Variants in CCDC66 observed in about 807,000 individuals in gnomAD.
CCDC66 encodes the protein coiled-coil domain-containing protein 66.
CCDC66 carries 133 observed loss-of-function variants against 128.3 expected under a neutral mutation model. The observed-to-expected ratio is 1.04, with a 90% confidence interval of 0.90 to 1.20. The LOEUF is 1.20. Among genes scored for constraint, CCDC66 ranks in the 50% most tolerant of loss-of-function variants. The pLI is 0.00. For missense variants in CCDC66, 1,126 were observed against 1,075.5 expected (o/e 1.05, Z -0.66); for synonymous variants, 387 against 357.0 (o/e 1.08, Z -0.95).
Position 56,558,849 on chromosome 3 carries a change from T to C in CCDC66, c.15T>C (p.Asp5=), listed in dbSNP as rs1249086048. 1 of 1,547,008 alleles carries C rather than the reference T, an allele frequency of 6.5e-7. No individual in the cohort carries two copies. Among genetic ancestry groups the C allele is most frequent in the East Asian group, 2.5e-5 (1 of 40,732 alleles). Residue 5 remains aspartate (D), a synonymous_variant, in exon 2 of 18, where the codon GAT becomes GAC. Transcript: ENST00000394672. MNLG[D]GLKLETELLD... The stretch of plus-strand genomic sequence containing the variant: ...CAACTTTCTTTTTTTATTACAGAGA[T>C]GGTTTAAAGCTTGAAACTGAATTAC...
At chr3:56,563,211 A>G (rs1380394461) in intron 3 of CCDC66, among the ~76,000 whole-genome samples, 1 of 151,742 alleles carries the variant, frequency 6.6e-6, no homozygotes, top group East Asian at 2.0e-4. Context: ...AAATACAAAA[A>G]CTAGCCAGGC....
chr3:56,601,285 G>A (rs282542), intron 10 of CCDC66, among the ~76,000 whole-genome samples: 127,053 of 151,962 alleles, frequency 0.84, 53,702 homozygotes, highest in Non-Finnish European at 0.91. Flanking sequence ...ATGGTTGTGG[G>A]TGTGTGGTGT....
chr3:56,613,095 A>G (rs1054624442), intron 10 of CCDC66, among the ~76,000 whole-genome samples: 9 of 152,188 alleles, frequency 5.9e-5, no homozygotes, highest in African/African-American at 2.2e-4. Context: ...AGCAAGATGC[A>G]GGACCACTAG....
chr3:56,615,059 T>C, intron 11 of CCDC66, 69 bp from the exon 12 acceptor site: 2 of 1,516,690 alleles, frequency 1.3e-6, no homozygotes, highest in Admixed American at 3.6e-5. Context: ...AGAAAATGTT[T>C]ACTGAGAGGA....
chr3:56,592,737 C>T (rs1235151214), intron 7 of CCDC66, among the ~76,000 whole-genome samples: 1 of 151,836 alleles, frequency 6.6e-6, no homozygotes, highest in Non-Finnish European at 1.5e-5. Flanking sequence ...CCTTCCCTTA[C>T]ACTTAGATAT....
intron 7 of CCDC66, among the ~76,000 whole-genome samples, chr3:56,585,827 T>C (rs977746037): frequency 6.6e-6 from 1 of 151,896 alleles, no homozygotes; most frequent in Non-Finnish European, 1.5e-5. Flanking sequence ...ATATTTCTTT[T>C]AATACAAAAG....
At position 56,619,254 on chromosome 3, in the gene CCDC66, A is replaced by ATT; in HGVS notation, c.2379-8_2379-7dup. 4.2e-6 allele frequency: 6 copies of ATT among 1,435,190 alleles called. No homozygotes were observed. Among genetic ancestry groups the ATT allele is most frequent in the Non-Finnish European group, 4.7e-6 (5 of 1,063,042 alleles). 88.9% of individuals were successfully genotyped at this position (1,435,190 alleles called of 1,614,324 possible). A position where few individuals can be genotyped will look rare whatever the true frequency, so the allele number is the denominator to read the frequency against. On this transcript the variant is annotated splice_polypyrimidine_tract_variant and intron_variant, in intron 15 of 17. Transcript: ENST00000394672. ...TAATCTAAATACACAATTTTTTACT[A>ATT]TTTTTTTTTTAAATAGGTCTCCATC...
At chr3:56,606,313 C>G (rs952041063) in intron 10 of CCDC66, among the ~76,000 whole-genome samples, 1 of 151,994 alleles carries the variant, frequency 6.6e-6, no homozygotes, top group Non-Finnish European at 1.5e-5. Flanking sequence ...TTCCAGGCAC[C>G]ACTGGGGTAT....
chr3:56,561,428 T>C (rs1249299094), intron 3 of CCDC66: 5 of 348,278 alleles, frequency 1.4e-5, no homozygotes, highest in Non-Finnish European at 2.2e-5. Context: ...TACTAGACTT[T>C]TAATCATAAA....
intron 10 of CCDC66, among the ~76,000 whole-genome samples, chr3:56,599,517 A>G (rs1159336182): frequency 3.3e-5 from 5 of 151,944 alleles, no homozygotes; most frequent in Non-Finnish European, 7.4e-5. Context: ...CTTTTTTGAT[A>G]TAGGCACTTA....
intron 15 of CCDC66, 67 bp from the exon 16 acceptor site, chr3:56,619,200 AAAGT>A: frequency 1.6e-6 from 2 of 1,241,882 alleles, no homozygotes; most frequent in South Asian, 1.6e-5. Flanking sequence ...TCTCATAAAT[AAAGT>A]GAAATGTGAT....
At chr3:56,576,276 A>T (rs1008530217) in intron 7 of CCDC66, among the ~76,000 whole-genome samples, 1 of 149,436 alleles carries the variant, frequency 6.7e-6, no homozygotes. Flanking sequence ...TTAATTTTTT[A>T]AATTTTTTTT....
chr3:56,617,092 C>A lies in CCDC66; in HGVS notation c.1844-20C>A, dbSNP rs750768316. The A allele has an allele frequency of 5.4e-6, 8 of 1,484,054 alleles. No individual in the cohort carries two copies. Among genetic ancestry groups the A allele is most frequent in the East Asian group, 4.8e-5 (2 of 41,806 alleles). The allele number at this position is 1,484,054 out of a possible 1,614,324, so 91.9% of individuals were successfully genotyped here. On this transcript the variant is annotated intron_variant, in intron 13 of 17. Coordinates refer to ENST00000394672, the MANE Select transcript of CCDC66 (RefSeq NM_001141947.3). ...AATTTTGTTTACAATTTTTAAAAAT[C>A]ATTTGCAACTTTTTTTTAGATGACT...
rs148421501 is a variant in CCDC66 at position 56,592,871 on chromosome 3, G to A, written c.937-99G>A. 8.7e-5 allele frequency: 109 copies of A among 1,251,770 alleles called. No homozygotes were observed. The African/African-American group carries it at 1.6e-3, about 18-fold the overall frequency. The allele number at this position is 1,251,770 out of a possible 1,614,324, so 77.5% of individuals were successfully genotyped here. ...GCTCCTCTTACAGATAAATGCCTCAGTGGATTAAATCTGTATGTTACTTTG... is the reference window on the plus strand; with the variant it reads ...GCTCCTCTTACAGATAAATGCCTCAATGGATTAAATCTGTATGTTACTTTG... On this transcript the variant is annotated intron_variant, in intron 7 of 17. Coordinates refer to ENST00000394672, the MANE Select transcript of CCDC66 (RefSeq NM_001141947.3).
In CCDC66 at chr3:56,621,608, C is replaced by A; in HGVS notation, c.2837C>A (p.Ser946Tyr). The A allele has an allele frequency of 6.3e-7, 1 of 1,595,276 alleles. No homozygotes were observed. The highest frequency in any genetic ancestry group is 1.1e-5 in the South Asian group (1 of 87,620). Residue 946 changes from serine (S) to tyrosine (Y), a missense_variant, in exon 18 of 18, where the codon TCT (serine) becomes TAT (tyrosine). Physicochemically the swap from Ser to Tyr is moderately radical, Grantham distance 144 (BLOSUM62 -2). Coordinates refer to ENST00000394672, the MANE Select transcript of CCDC66 (RefSeq NM_001141947.3). ...LAENQEESFG[S>Y]SF is the part of the protein sequence containing the mutation. The stretch of plus-strand genomic sequence containing the variant: ...GAAAATCAAGAAGAGAGTTTTGGTT[C>A]TTCATTTTAAATGTAGAAAATCAAA...
At chr3:56,575,602 G>C (rs917867830) in intron 7 of CCDC66, among the ~76,000 whole-genome samples, 4 of 151,736 alleles carry the variant, frequency 2.6e-5, no homozygotes, top group Admixed American at 6.6e-5. Context: ...GATGAAGTCT[G>C]TTTTATCTCT....
At chr3:56,578,838 C>A (rs1219791998) in intron 7 of CCDC66, among the ~76,000 whole-genome samples, 3 of 151,734 alleles carry the variant, frequency 2.0e-5, no homozygotes, top group African/African-American at 7.3e-5. Flanking sequence ...ATTTCTGCAT[C>A]GATGTTCATC....
At chr3:56,572,714 T>C (rs989508484) in intron 7 of CCDC66, 2 of 160,454 alleles carry the variant, frequency 1.2e-5, no homozygotes, top group Admixed American at 6.3e-5. Flanking sequence ...GTAAATTTCT[T>C]ATAGAAACCC....
At position 56,566,107 on chromosome 3, in the gene CCDC66, C is replaced by CTTTTGTTTTGTTTTGT. The variant is rs1553662674; in HGVS notation, c.545-484_545-483insTGTTTTGTTTTGTTTT. ...CATTTAACCTCTGGGCTTCAGTTTCCTTTGTTTTGTTTTGTTTTGTTTTGT... is the reference window on the plus strand; with the variant it reads ...CATTTAACCTCTGGGCTTCAGTTTCCTTTTGTTTTGTTTTGTTTTGTTTTGTTTTGTTTTGTTTTGT... On this transcript the variant is annotated intron_variant, in intron 4 of 17. Coordinates refer to ENST00000394672, the MANE Select transcript of CCDC66 (RefSeq NM_001141947.3). Among the ~76,000 whole-genome samples, 674 of 148,942 alleles carry CTTTTGTTTTGTTTTGT rather than the reference C, an allele frequency of 4.5e-3. 3 individuals are homozygous for CTTTTGTTTTGTTTTGT. Among genetic ancestry groups the CTTTTGTTTTGTTTTGT allele is most frequent in the Non-Finnish European group, 6.2e-3 (417 of 67,368 alleles).
Sources: gnomAD v4.1 joint callset for allele counts (sites outside exome capture counted in the v4.1 genomes callset) on GRCh38, gnomAD v4.1.1 for gene constraint, MANE v1.5 for transcripts, NCBI Gene and HGNC (gene_info 2026-07-23, HGNC 2026-07-21) for gene names.